The following EGFR variants were observed in gnomAD, a reference collection of about 807,000 sequenced individuals.
EGFR encodes avian erythroblastic leukemia viral (v-erb-b) oncogene homolog.
A neutral mutation model predicts 143.0 loss-of-function variants in EGFR; 58 were observed. That is an observed-to-expected ratio of 0.41 (90% confidence interval 0.33 to 0.50). The LOEUF (loss-of-function observed/expected upper bound fraction) is 0.50, where lower values mean the gene tolerates loss of function less well. Among genes scored for constraint, EGFR ranks in the 20% least tolerant of loss-of-function variants. The pLI, the probability that EGFR is intolerant of heterozygous loss-of-function variation, is 0.39. For missense variants in EGFR, 1,307 were observed against 1,579.0 expected (o/e 0.83, Z 2.92); for synonymous variants, 613 against 594.4 (o/e 1.03, Z -0.45).
chr7:55,122,550 C>T (rs553157150), intron 1 of EGFR, among the ~76,000 whole-genome samples: 21 of 152,366 alleles, frequency 1.4e-4, no homozygotes, highest in South Asian at 6.2e-4. Context: ...TGGCAGCAGC[C>T]GTTCCAACCT....
intron 22 of EGFR, among the ~76,000 whole-genome samples, chr7:55,197,967 T>G (rs1453831849): frequency 6.6e-6 from 1 of 152,216 alleles, no homozygotes; most frequent in Admixed American, 6.5e-5. Flanking sequence ...TTTCTTTTTT[T>G]GTTGTATCTC....
At chr7:55,174,100 G>C (rs1786484780) in intron 18 of EGFR, 57 bp downstream of exon 18, 1 of 1,611,246 alleles carries the variant, frequency 6.2e-7, no homozygotes, top group Non-Finnish European at 8.5e-7. Flanking sequence ...ATGGTCTGGT[G>C]GGGAGCCCAG....
rs531849565 is a variant in EGFR, at chr7:55,205,158, C to T, written c.3272-98C>T. 1.2e-5 allele frequency: 19 copies of T among 1,546,340 alleles called. No individual in the cohort carries two copies. The African/African-American group carries it at 2.4e-4, about 20-fold the overall frequency. On this transcript the variant is annotated intron_variant, in intron 27 of 27. Coordinates refer to ENST00000275493, the MANE Select transcript of EGFR (RefSeq NM_005228.5). ...GAGGCTCCTGCTCCCTGTCATAAGT[C>T]TCCTTGTTGAGGACATTCACAGGGT...
At chr7:55,196,284 CT>C (rs1410724188) in intron 22 of EGFR, among the ~76,000 whole-genome samples, 10 of 147,106 alleles carry the variant, frequency 6.8e-5, no homozygotes, top group Non-Finnish European at 1.3e-4. Flanking sequence ...ATGTTAAGCT[CT>C]TTTTCATATA....
chr7:55,096,371 C>T (rs1218668890), intron 1 of EGFR, among the ~76,000 whole-genome samples: 2 of 152,234 alleles, frequency 1.3e-5, no homozygotes, highest in Non-Finnish European at 2.9e-5. Context: ...AAATTTGCTG[C>T]TGAGTTAACT....
chr7:55,123,045 T>C (rs982758540), intron 1 of EGFR, among the ~76,000 whole-genome samples: 2 of 152,268 alleles, frequency 1.3e-5, no homozygotes, highest in Non-Finnish European at 2.9e-5. Context: ...TTTAGAAGGA[T>C]GACCAGGCTA....
At chr7:55,200,472 C>T (rs1251304889) in intron 24 of EGFR, 59 bp downstream of exon 24, 4 of 1,517,654 alleles carry the variant, frequency 2.6e-6, no homozygotes, top group Non-Finnish European at 3.7e-6. Context: ...CATCTCATGT[C>T]ACTGTGTTCT....
intron 1 of EGFR, among the ~76,000 whole-genome samples, chr7:55,140,375 G>T (rs1433108460): frequency 1.3e-5 from 2 of 152,072 alleles, no homozygotes; most frequent in African/African-American, 4.8e-5. Flanking sequence ...GGCACGAGGG[G>T]CCCAACTAAC....
chr7:55,034,614 G>A (rs1342118627), intron 1 of EGFR, among the ~76,000 whole-genome samples: 2 of 152,130 alleles, frequency 1.3e-5, no homozygotes, highest in East Asian at 1.9e-4. Context: ...TAAGGCCTGC[G>A]CGTGTTATAT....
intron 1 of EGFR, among the ~76,000 whole-genome samples, chr7:55,089,950 A>C (rs1311043196): frequency 1.2e-5 from 1 of 80,668 alleles, no homozygotes; most frequent in African/African-American, 3.3e-5. Flanking sequence ...TTATTTATTT[A>C]TTTATTTATT....
intron 20 of EGFR, among the ~76,000 whole-genome samples, chr7:55,184,580 G>T (rs146316665): frequency 6.6e-6 from 1 of 152,330 alleles, no homozygotes; most frequent in African/African-American, 2.4e-5. Context: ...TAAGTTTCCA[G>T]GGCCTGAAAG....
At chr7:55,067,275 C>T (rs1046166220) in intron 1 of EGFR, among the ~76,000 whole-genome samples, 2 of 146,040 alleles carry the variant, frequency 1.4e-5, no homozygotes, top group Admixed American at 1.3e-4. Flanking sequence ...TCCTGCAATG[C>T]TTTCAAGACT....
chr7:55,055,317 G>A (rs1279733714), intron 1 of EGFR, among the ~76,000 whole-genome samples: 3 of 152,156 alleles, frequency 2.0e-5, no homozygotes, highest in Non-Finnish European at 4.4e-5. Context: ...GGTCTGGGAT[G>A]GGGCCCTACA....
chr7:55,142,493 A>G (rs2128926561), intron 2 of EGFR, 56 bp downstream of exon 2: 2 of 1,601,766 alleles, frequency 1.2e-6, no homozygotes, highest in Non-Finnish European at 1.7e-6. Context: ...TAAGTGGAGA[A>G]AGGCCTGGGC....
intron 1 of EGFR, among the ~76,000 whole-genome samples, chr7:55,083,196 A>G (rs1266592066): frequency 6.6e-6 from 1 of 152,258 alleles, no homozygotes; most frequent in South Asian, 2.1e-4. Context: ...CCAACTGATG[A>G]CACATAGTAA....
At chr7:55,096,065 A>T (rs533583775) in intron 1 of EGFR, among the ~76,000 whole-genome samples, 1 of 152,340 alleles carries the variant, frequency 6.6e-6, no homozygotes, top group East Asian at 1.9e-4. Context: ...AGAGATAAAG[A>T]TAAAGTAATA....
chr7:55,056,359 G>T (rs1788818790), intron 1 of EGFR, among the ~76,000 whole-genome samples: 1 of 152,152 alleles, frequency 6.6e-6, no homozygotes, highest in African/African-American at 2.4e-5. Context: ...TGAAGATTTT[G>T]TTTCTACTGA....
intron 6 of EGFR, among the ~76,000 whole-genome samples, chr7:55,153,493 G>A (rs1785257798): frequency 6.6e-6 from 1 of 152,196 alleles, no homozygotes; most frequent in African/African-American, 2.4e-5. Context: ...TGGTTGGCCT[G>A]AGCTGTTTCT....
chr7:55,091,159 T>C (rs1791084799), intron 1 of EGFR, among the ~76,000 whole-genome samples: 1 of 152,206 alleles, frequency 6.6e-6, no homozygotes, highest in African/African-American at 2.4e-5. Flanking sequence ...TAGTTTTGTT[T>C]TGTATTGGAT....
Sources: gnomAD v4.1 joint callset for allele counts (sites outside exome capture counted in the v4.1 genomes callset) on GRCh38, gnomAD v4.1.1 for gene constraint, MANE v1.5 for transcripts, NCBI Gene and HGNC (gene_info 2026-07-23, HGNC 2026-07-21) for gene names.